Variants in AR observed in about 807,000 individuals in gnomAD.
AR encodes the protein androgen receptor.
AR carries 8 observed loss-of-function variants against 53.9 expected under a neutral mutation model. The ratio of observed to expected loss-of-function variants is 0.15; its 90% CI spans 0.09 to 0.27. The LOEUF is 0.27. AR is among the 10% of genes least tolerant of loss of function. The pLI is 1.00. For missense variants in AR, 639 were observed against 742.5 expected, an observed-to-expected ratio of 0.86 and a Z score of 1.62; for synonymous variants, 359 against 316.4, an observed-to-expected ratio of 1.13 and a Z score of -1.43.
At chrX:67,670,865 C>A (rs1261273365) in intron 2 of AR, among the ~76,000 whole-genome samples, 1 of 110,844 alleles carries the variant, frequency 9.0e-6, no homozygotes, top group East Asian at 2.8e-4. Flanking sequence ...GTTTTCTGTT[C>A]TTGTGTTTTA....
intron 1 of AR, among the ~76,000 whole-genome samples, chrX:67,551,001 G>GTGT (rs1555970473): frequency 3.9e-5 from 3 of 76,634 alleles, no homozygotes; most frequent in African/African-American, 1.8e-4. Flanking sequence ...GAATAGCTGG[G>GTGT]TTTTTTTTTT....
chrX:67,723,310 G>GTCTC (rs201567591), intron 7 of AR, among the ~76,000 whole-genome samples: 1 of 72,636 alleles, frequency 1.4e-5, no homozygotes, highest in Non-Finnish European at 2.6e-5. Context: ...GAGTTTGTCT[G>GTCTC]TCTGTGTGTG....
rs1308936347 is a variant in AR, at chrX:67,663,527, A to C, written c.1768+20120A>C. ...TCTGATGGGCTTCCCTTTGTGGGGA[A>C]CCTGACCTGTTTCTCTGGCTGCCTT... is the stretch of plus-strand genomic sequence containing the variant. On this transcript the variant is annotated intron_variant, in intron 2 of 7. Coordinates refer to ENST00000374690, the MANE Select transcript of AR (RefSeq NM_000044.6). Among the ~76,000 whole-genome samples the C allele has an allele frequency of 6.2e-5, 7 of 112,090 alleles. No individual in the cohort carries two copies. The South Asian group carries it at 1.5e-3, about 24-fold the overall frequency.
At chrX:67,575,258 G>T (rs186245553) in intron 1 of AR, among the ~76,000 whole-genome samples, 2 of 111,719 alleles carry the variant, frequency 1.8e-5, no homozygotes, top group African/African-American at 3.2e-5. Context: ...CCTTTGAAAA[G>T]AAACCTTGAA....
At position 67,728,508 on chromosome X, in the gene AR, T is replaced by A; in HGVS notation, c.*4667T>A. 1 of 133,014 alleles carries A rather than the reference T, an allele frequency of 7.5e-6. No homozygotes were observed. The highest frequency in any genetic ancestry group is 1.5e-5 in the Non-Finnish European group (1 of 67,856). The allele number at this position is 133,014 out of a possible 1,213,427, so 11.0% of individuals were successfully genotyped here. A position where few individuals can be genotyped will look rare whatever the true frequency, so the allele number is the denominator to read the frequency against. On this transcript the variant is annotated 3_prime_UTR_variant, in exon 8 of 8. Transcript: ENST00000374690. ...ACTTTGGATGGCACAAAAAGTTATC[T>A]GCAGTTGAAGGCAGAAAGTTGAAAT...
chrX:67,661,278 C>A (rs1488282075), intron 2 of AR, among the ~76,000 whole-genome samples: 2 of 110,881 alleles, frequency 1.8e-5, no homozygotes, highest in Admixed American at 9.6e-5. Flanking sequence ...GAGAGGGCAT[C>A]CCTGTCTTGT....
At chrX:67,568,143 T>A (rs1299940372) in intron 1 of AR, among the ~76,000 whole-genome samples, 2 of 111,868 alleles carry the variant, frequency 1.8e-5, no homozygotes, top group Admixed American at 9.5e-5. Flanking sequence ...TAGGCACGTC[T>A]GTGTCTGGGC....
chrX:67,724,970 TCTC>T lies in AR; in HGVS notation c.*1132_*1134del, dbSNP rs770389373. 1 of 173,409 alleles carries T rather than the reference TCTC, an allele frequency of 5.8e-6. No individual in the cohort carries two copies. The highest frequency in any genetic ancestry group is 8.1e-5 in the East Asian group (1 of 12,340). 14.3% of individuals were successfully genotyped at this position (173,409 alleles called of 1,213,427 possible). A position where few individuals can be genotyped will look rare whatever the true frequency, so the allele number is the denominator to read the frequency against. On this transcript the variant is annotated 3_prime_UTR_variant, in exon 8 of 8. Transcript: ENST00000374690. ...GAGAAGAAAATGATAGCTTGGCTGT[TCTC>T]CTGCTTAGGACACTGACTGAATAGT...
At chrX:67,652,558 T>C (rs1247335256) in intron 2 of AR, among the ~76,000 whole-genome samples, 1 of 112,179 alleles carries the variant, frequency 8.9e-6, no homozygotes, top group Non-Finnish European at 1.9e-5. Flanking sequence ...TTGTATAGCC[T>C]ATAAATGGCA....
chrX:67,644,782 C>A (rs1180846999), intron 2 of AR, among the ~76,000 whole-genome samples: 1 of 111,419 alleles, frequency 9.0e-6, no homozygotes, highest in Non-Finnish European at 1.9e-5. Context: ...GAAAACATGC[C>A]CCATGTTCAG....
intron 1 of AR, among the ~76,000 whole-genome samples, chrX:67,642,665 C>A (rs938854592): frequency 1.8e-5 from 2 of 111,570 alleles, no homozygotes; most frequent in Non-Finnish European, 3.8e-5. Context: ...AAAAAAAGAA[C>A]AAGACTTTTA....
intron 2 of AR, among the ~76,000 whole-genome samples, chrX:67,663,653 T>G (rs1927082134): frequency 1.8e-5 from 2 of 111,924 alleles, no homozygotes. Flanking sequence ...CTGTATTTCC[T>G]GAATTTGAAT....
intron 3 of AR, among the ~76,000 whole-genome samples, chrX:67,701,700 ACACACACACATG>A (rs1157109668): frequency 1.8e-5 from 2 of 111,321 alleles, no homozygotes; most frequent in East Asian, 2.8e-4. Context: ...ACACACACAC[ACACACACACATG>A]CACACACACC....
intron 1 of AR, among the ~76,000 whole-genome samples, chrX:67,594,080 G>A (rs1163332419): frequency 1.8e-5 from 2 of 111,776 alleles, no homozygotes; most frequent in South Asian, 3.7e-4. Flanking sequence ...CTACAGCCTC[G>A]ATCTCCTGGT....
At position 67,660,651 on chromosome X, in the gene AR, G is replaced by A. The variant is rs763672644; in HGVS notation, c.1768+17244G>A. Among the ~76,000 whole-genome samples the A allele has an allele frequency of 6.3e-5, 7 of 111,727 alleles. No individual in the cohort carries two copies. The South Asian group carries it at 2.7e-3, about 42-fold the overall frequency. The stretch of plus-strand genomic sequence containing the variant: ...ATAGTTTGAAGTCAGATAGCGTGAT[G>A]CCTCCAGCTCTGTTCTTTTGGCTTA... On this transcript the variant is annotated intron_variant, in intron 2 of 7. Transcript: ENST00000374690.
At chrX:67,635,961 TTTTA>T (rs1187661977) in intron 1 of AR, among the ~76,000 whole-genome samples, 1 of 111,734 alleles carries the variant, frequency 8.9e-6, no homozygotes, top group Non-Finnish European at 1.9e-5. Context: ...CTTTTGAGGT[TTTTA>T]TTTTAGTTTT....
chrX:67,653,631 C>A (rs760438711), intron 2 of AR, among the ~76,000 whole-genome samples: 1 of 111,555 alleles, frequency 9.0e-6, no homozygotes, highest in Admixed American at 9.6e-5. Flanking sequence ...AGCTGTTTGA[C>A]AGGCCTTCAG....
At chrX:67,581,487 T>C (rs1371431005) in intron 1 of AR, among the ~76,000 whole-genome samples, 2 of 111,760 alleles carry the variant, frequency 1.8e-5, no homozygotes, top group Non-Finnish European at 3.8e-5. Context: ...AGCATGTGGC[T>C]CTCAGCCCTG....
At chrX:67,715,881 G>T (rs946225632) in intron 4 of AR, among the ~76,000 whole-genome samples, 2 of 111,819 alleles carry the variant, frequency 1.8e-5, no homozygotes, top group Non-Finnish European at 3.8e-5. Flanking sequence ...TTGTTGGTGA[G>T]AAGAGAGAGT....
Sources: gnomAD v4.1 joint callset for allele counts (sites outside exome capture counted in the v4.1 genomes callset) on GRCh38, gnomAD v4.1.1 for gene constraint, MANE v1.5 for transcripts, NCBI Gene and HGNC (gene_info 2026-07-23, HGNC 2026-07-21) for gene names.